The following RPS6KC1 variants were observed in gnomAD, a reference collection of about 807,000 sequenced individuals.
RPS6KC1 encodes the protein inactive ribosomal protein S6 kinase delta-1.
Under a neutral mutation model 103.8 loss-of-function variants are expected in RPS6KC1, and 54 were observed. That is an observed-to-expected ratio of 0.52 (90% CI 0.42 to 0.65). RPS6KC1 has a LOEUF of 0.65. Ranked by LOEUF, RPS6KC1 falls within the 30% of genes least tolerant of loss-of-function variation. The pLI is 0.00. For missense variants in RPS6KC1, 1,151 were observed against 1,253.8 expected (o/e 0.92, Z 1.24); for synonymous variants, 439 against 438.7 (o/e 1.00, Z -0.01).
intron 2 of RPS6KC1, among the ~76,000 whole-genome samples, chr1:213,074,873 T>TA (rs1553308724): frequency 7.1e-6 from 1 of 139,906 alleles, no homozygotes; most frequent in Non-Finnish European, 1.5e-5. Flanking sequence ...TTTTTTTTTT[T>TA]ACGGAGTCTC....
At chr1:213,384,130 G>C in the RPS6KC1 span, among the ~76,000 whole-genome samples, 9 of 152,012 alleles carry the variant, frequency 5.9e-5, no homozygotes, top group African/African-American at 2.2e-4. Context: ...CAAAAAATTA[G>C]CTGGGTGTGG....
the RPS6KC1 span, among the ~76,000 whole-genome samples, chr1:213,628,690 G>T: frequency 6.6e-6 from 1 of 151,944 alleles, no homozygotes; most frequent in Non-Finnish European, 1.5e-5. Flanking sequence ...GTCAGTTTTA[G>T]ATCTTTCCTG....
At chr1:213,516,076 AT>A in the RPS6KC1 span, among the ~76,000 whole-genome samples, 1 of 152,158 alleles carries the variant, frequency 6.6e-6, no homozygotes, top group Non-Finnish European at 1.5e-5. Flanking sequence ...TTGCACATTG[AT>A]TTTTTATGCT....
At chr1:213,240,150 G>A (rs551071461) in intron 10 of RPS6KC1, among the ~76,000 whole-genome samples, 1 of 152,080 alleles carries the variant, frequency 6.6e-6, no homozygotes, top group South Asian at 2.1e-4. Flanking sequence ...GCATAAAAGG[G>A]GAAATATTAA....
At chr1:213,311,704 G>A in the RPS6KC1 span, among the ~76,000 whole-genome samples, 1 of 152,042 alleles carries the variant, frequency 6.6e-6, no homozygotes, top group African/African-American at 2.4e-5. Context: ...TTAAGGGGCT[G>A]TGCTGTTTGG....
chr1:213,572,798 T>C, the RPS6KC1 span, among the ~76,000 whole-genome samples: 1 of 152,204 alleles, frequency 6.6e-6, no homozygotes, highest in Non-Finnish European at 1.5e-5. Context: ...CATAAAGAGA[T>C]AAAAATTGGG....
the RPS6KC1 span, among the ~76,000 whole-genome samples, chr1:213,730,252 A>G: frequency 6.6e-6 from 1 of 152,060 alleles, no homozygotes; most frequent in Non-Finnish European, 1.5e-5. Context: ...ATGTGTCTTT[A>G]TTTGTTATGA....
chr1:213,646,601 AACAG>A, the RPS6KC1 span, among the ~76,000 whole-genome samples: 2 of 152,144 alleles, frequency 1.3e-5, no homozygotes, highest in African/African-American at 2.4e-5. Context: ...GACCACCTGG[AACAG>A]ACAGAGACAA....
the RPS6KC1 span, among the ~76,000 whole-genome samples, chr1:213,596,092 A>G: frequency 6.6e-6 from 1 of 152,266 alleles, no homozygotes; most frequent in African/African-American, 2.4e-5. Flanking sequence ...AGATTGCCTG[A>G]GTTATGAAAA....
chr1:213,107,911 T>G (rs1428788778), intron 4 of RPS6KC1, among the ~76,000 whole-genome samples: 2 of 152,198 alleles, frequency 1.3e-5, no homozygotes, highest in Non-Finnish European at 2.9e-5. Context: ...TTCCTCTGCT[T>G]TTTTCATATA....
intron 6 of RPS6KC1, among the ~76,000 whole-genome samples, chr1:213,164,047 A>G (rs2148121377): frequency 6.6e-6 from 1 of 152,380 alleles, no homozygotes; most frequent in Non-Finnish European, 1.5e-5. Context: ...AGCTTAGGAT[A>G]GTGGCAAGTA....
the RPS6KC1 span, among the ~76,000 whole-genome samples, chr1:213,512,180 G>A: frequency 2.0e-5 from 3 of 152,206 alleles, no homozygotes; most frequent in African/African-American, 7.2e-5. Flanking sequence ...TGAAGAGTCT[G>A]TCTTAAGACA....
chr1:213,587,526 G>T, the RPS6KC1 span, among the ~76,000 whole-genome samples: 2 of 152,196 alleles, frequency 1.3e-5, no homozygotes, highest in African/African-American at 2.4e-5. Context: ...CTCTCCAAGA[G>T]GAATGGGCCT....
intron 4 of RPS6KC1, 92 bp from the exon 5 acceptor site, chr1:213,117,225 C>T (rs1429827074): frequency 3.0e-6 from 2 of 655,830 alleles, no homozygotes; most frequent in Non-Finnish European, 2.6e-6. Flanking sequence ...TTCTGTACAT[C>T]TTTACACATA....
the RPS6KC1 span, among the ~76,000 whole-genome samples, chr1:213,560,902 T>C: frequency 6.6e-6 from 1 of 152,184 alleles, no homozygotes; most frequent in African/African-American, 2.4e-5. Context: ...ATGGAGATAC[T>C]AGCTCATCCT....
chr1:213,812,946 G>A, the RPS6KC1 span, among the ~76,000 whole-genome samples: 4 of 152,136 alleles, frequency 2.6e-5, no homozygotes, highest in Non-Finnish European at 4.4e-5. Context: ...AATTCTGTAA[G>A]CAATTTTTTA....
the RPS6KC1 span, among the ~76,000 whole-genome samples, chr1:213,613,555 T>C: frequency 6.6e-6 from 1 of 152,248 alleles, no homozygotes; most frequent in East Asian, 1.9e-4. Flanking sequence ...TTAGAACTGA[T>C]ACCATAATTG....
chr1:213,094,028 C>G (rs1251032459), intron 3 of RPS6KC1, among the ~76,000 whole-genome samples: 1 of 151,860 alleles, frequency 6.6e-6, no homozygotes, highest in Non-Finnish European at 1.5e-5. Flanking sequence ...CAGTATAGCA[C>G]TTAACTCATG....
At chr1:213,244,121 A>G (rs1443399757) in intron 12 of RPS6KC1, among the ~76,000 whole-genome samples, 1 of 151,410 alleles carries the variant, frequency 6.6e-6, no homozygotes, top group Non-Finnish European at 1.5e-5. Flanking sequence ...AGATAATGTG[A>G]TGTTATGTTT....
Sources: gnomAD v4.1 joint callset for allele counts (sites outside exome capture counted in the v4.1 genomes callset) on GRCh38, gnomAD v4.1.1 for gene constraint, MANE v1.5 for transcripts, NCBI Gene and HGNC (gene_info 2026-07-23, HGNC 2026-07-21) for gene names.